The following GNAS variants were observed in gnomAD, a reference collection of about 807,000 sequenced individuals.
GNAS encodes the protein GNAS complex locus, also known as protein ALEX.
GNAS carries 8 observed loss-of-function variants against 54.5 expected under a neutral mutation model. That is an observed-to-expected ratio of 0.15 (90% CI 0.09 to 0.26). The LOEUF is 0.26. Ranked by LOEUF, GNAS falls within the 10% of genes least tolerant of loss-of-function variation. GNAS has a pLI of 1.00. For synonymous variants in GNAS, 204 were observed against 191.4 expected, an observed-to-expected ratio of 1.07 and a Z score of -0.54; for missense variants, 170 against 529.8, an observed-to-expected ratio of 0.32 and a Z score of 6.67.
rs757110000 is a variant in GNAS at position 58,905,388 on chromosome 20, C to T, written c.438C>T (p.Phe146=). 53 of 1,582,500 alleles carry T rather than the reference C, an allele frequency of 3.3e-5. No individual in the cohort carries two copies. The East Asian group carries it at 1.2e-3, about 35-fold the overall frequency. ...NVPDFDFPPE[F]YEHAKALWED... Reference sequence around the variant, plus strand: ...TTTCTTGTGTTCACTTTCAGGAATTCTATGAGCATGCCAAGGCTCTGTGGG... The same window carrying T: ...TTTCTTGTGTTCACTTTCAGGAATTTTATGAGCATGCCAAGGCTCTGTGGG... The change falls in exon 6 of 13, where the codon TTC becomes TTT. Residue 146 remains phenylalanine (F), a synonymous_variant. Transcript: ENST00000371085.
At chr20:58,847,197 T>C (rs6123833) in intron 1 of GNAS, among the ~76,000 whole-genome samples, 61,412 of 152,070 alleles carry the variant, frequency 0.4, 14,621 homozygotes, top group East Asian at 0.78. Flanking sequence ...CGATGGGGGC[T>C]TTTTAATCTG....
At position 58,895,622 on chromosome 20, in the gene GNAS, A is replaced by G; in HGVS notation, c.150A>G (p.Glu50=). ...THRLLLLGAG[E]SGKSTIVKQM... is the part of the protein sequence containing the mutation. ...ACTTTCATTTTCTAGGTGCTGGAGA[A>G]TCTGGTAAAAGCACCATTGTGAAGC... Residue 50 remains glutamate, a synonymous_variant, in exon 2 of 13, where the codon GAA becomes GAG. Transcript: ENST00000371085. 6.3e-7 allele frequency: 1 copy of G among 1,598,488 alleles called. No homozygotes were observed. The highest frequency in any genetic ancestry group is 8.6e-7 in the Non-Finnish European group (1 of 1,165,730).
chr20:58,841,102 G>T lies in GNAS; in HGVS notation c.43+216G>T, dbSNP rs2085702150. Among the ~76,000 whole-genome samples the T allele has an allele frequency of 6.6e-6, 1 of 152,046 alleles. No individual in the cohort carries two copies. The highest frequency in any genetic ancestry group is 1.9e-4 in the East Asian group (1 of 5,136). On this transcript the variant is annotated intron_variant, in intron 1 of 12. Transcript: ENST00000306090. The surrounding 1 kb of genome is among the most constrained non-coding windows in gnomAD (Gnocchi z 5.0). ...CTGGTGGCCAAAGGCTTGTTGGACG[G>T]CGGGGCGCACGCCGTGCGTCCCGCT...
intron 1 of GNAS, among the ~76,000 whole-genome samples, chr20:58,847,188 G>A (rs1568915908): frequency 1.3e-5 from 2 of 152,100 alleles, no homozygotes; most frequent in East Asian, 3.8e-4. Flanking sequence ...CTGAACTCAC[G>A]ATGGGGGCTT....
intron 1 of GNAS, among the ~76,000 whole-genome samples, chr20:58,859,068 A>T (rs2086644630): frequency 6.6e-6 from 1 of 152,240 alleles, no homozygotes; most frequent in Non-Finnish European, 1.5e-5. Flanking sequence ...TTTACAATGG[A>T]AAACTGGTTT....
chr20:58,905,536 A>G (rs1313637510), intron 6 of GNAS, 56 bp downstream of exon 6: 4 of 958,430 alleles, frequency 4.2e-6, no homozygotes, highest in African/African-American at 1.6e-5. Context: ...ACAAGAAAAC[A>G]TGAAAACCTG....
chr20:58,905,279 AG>A, intron 5 of GNAS, 103 bp from the exon 6 acceptor site: 1 of 753,692 alleles, frequency 1.3e-6, no homozygotes, highest in Non-Finnish European at 2.4e-6. Context: ...AATCACACCA[AG>A]TGTCGGTCAC....
chr20:58,860,386 TTC>T (rs2086723711), intron 1 of GNAS, among the ~76,000 whole-genome samples: 1 of 152,054 alleles, frequency 6.6e-6, no homozygotes, highest in South Asian at 2.1e-4. Context: ...TCTAAAGCTT[TTC>T]TTCTTGTTTA....
At chr20:58,855,610 C>G (rs1420016275) in intron 1 of GNAS, 1 of 717,268 alleles carries the variant, frequency 1.4e-6, no homozygotes, top group East Asian at 2.7e-5. Context: ...CAGGCCAGCG[C>G]CAGCAACCGT....
intron 1 of GNAS, among the ~76,000 whole-genome samples, chr20:58,865,362 G>A (rs865777200): frequency 6.0e-5 from 9 of 150,866 alleles, no homozygotes; most frequent in African/African-American, 1.5e-4. Flanking sequence ...AGGTTGCAGT[G>A]AGCCAAGATG....
At position 58,853,747 on chromosome 20, in the gene GNAS, C is replaced by T; in HGVS notation, c.43+12861C>T. On this transcript the variant is annotated intron_variant, in intron 1 of 12. Transcript: ENST00000306090. The surrounding 1 kb of genome is among the most constrained non-coding windows in gnomAD (Gnocchi z 4.4). ...GGATACAGCCCTCCACCAGAAGAAG[C>T]TATGCCCTTTGAGTTTGACCAGCCT... is the stretch of plus-strand genomic sequence containing the variant. 6.2e-7 allele frequency: 1 copy of T among 1,613,814 alleles called. No individual in the cohort carries two copies.
intron 1 of GNAS, among the ~76,000 whole-genome samples, chr20:58,879,786 G>C (rs1429055582): frequency 6.6e-6 from 1 of 152,128 alleles, no homozygotes; most frequent in Non-Finnish European, 1.5e-5. Context: ...TTTATGGCTA[G>C]ACTCTCAGCA....
chr20:58,910,223 T>G lies in GNAS; in HGVS notation c.971-111T>G, dbSNP rs886454780. ...GCAAGAAAAACGCACTCCCACTAAT[T>G]CTCATATGGAAAAATCAGGGTTTTG... On this transcript the variant is annotated intron_variant, in intron 11 of 12. Transcript: ENST00000371085. The surrounding 1 kb of genome is among the most constrained non-coding windows in gnomAD (Gnocchi z 5.8). 2.4e-6 allele frequency: 3 copies of G among 1,254,260 alleles called. No homozygotes were observed. Among genetic ancestry groups the G allele is most frequent in the Non-Finnish European group, 3.5e-6 (3 of 852,036 alleles). The allele number at this position is 1,254,260 out of a possible 1,614,324, so 77.7% of individuals were successfully genotyped here. A position where few individuals can be genotyped will look rare whatever the true frequency, so the allele number is the denominator to read the frequency against.
At chr20:58,882,173 A>C (rs2145797198) in intron 1 of GNAS, among the ~76,000 whole-genome samples, 1 of 152,230 alleles carries the variant, frequency 6.6e-6, no homozygotes, top group Non-Finnish European at 1.5e-5. Flanking sequence ...GGTTCACGCC[A>C]TTCTCCCGCC....
chr20:58,856,986 A>G lies in GNAS; in HGVS notation c.43+16100A>G, dbSNP rs1043001017. On this transcript the variant is annotated intron_variant, in intron 1 of 12. Transcript: ENST00000306090. The surrounding 1 kb of genome is among the most constrained non-coding windows in gnomAD (Gnocchi z 4.2). Reference sequence around the variant, plus strand: ...CTGGGGCATTAAATATTTTTGCCACATTTAAACAAAGCATCAATTAGCAAT... The same window carrying G: ...CTGGGGCATTAAATATTTTTGCCACGTTTAAACAAAGCATCAATTAGCAAT... 1 of 150,996 alleles carries G rather than the reference A, an allele frequency of 6.6e-6. No individual in the cohort carries two copies. The highest frequency in any genetic ancestry group is 1.5e-5 in the Non-Finnish European group (1 of 67,920). 9.4% of individuals were successfully genotyped at this position (150,996 alleles called of 1,614,324 possible).
chr20:58,909,904 C>T lies in GNAS; in HGVS notation c.840-47C>T, dbSNP rs375264228. 149 of 1,613,394 alleles carry T rather than the reference C, an allele frequency of 9.2e-5. No individual in the cohort carries two copies. Among genetic ancestry groups the T allele is most frequent in the Non-Finnish European group, 1.2e-4 (139 of 1,179,788 alleles). ...CGTGCAAGCATTCCAGACCCCTGGC[C>T]GAAAGCGCGCTTCTCCCAAGCATTC... On this transcript the variant is annotated intron_variant, in intron 10 of 12. Coordinates refer to ENST00000371085, the MANE Select transcript of GNAS (RefSeq NM_000516.7). This position sits in a 1 kb window ranked among gnomAD's most constrained non-coding sequence, Gnocchi z 7.3.
At chr20:58,840,210 T>C (rs760919160), upstream of GNAS, 1 of 1,611,118 alleles carries the variant, frequency 6.2e-7, no homozygotes, top group South Asian at 1.1e-5. This position sits in a 1 kb window ranked among gnomAD's most constrained non-coding sequence, Gnocchi z 6.0. Context: ...CTCCTCTGGC[T>C]CTCCTGCTCC....
intron 6 of GNAS, chr20:58,908,842 C>A: frequency 2.6e-6 from 1 of 385,510 alleles, no homozygotes; most frequent in Non-Finnish European, 4.8e-6. Flanking sequence ...AAAATAAACA[C>A]GAAGAACAAA....
At chr20:58,854,758 C>T (rs1279494445) in intron 1 of GNAS, 2 of 1,549,218 alleles carry the variant, frequency 1.3e-6, no homozygotes, top group Admixed American at 1.9e-5. Context: ...GGGGCTCCCA[C>T]TGCCCCAGCC....
Sources: allele counts gnomAD v4.1 joint callset (sites outside exome capture counted in the v4.1 genomes callset), GRCh38; gene constraint gnomAD v4.1.1; non-coding constraint Gnocchi (gnomAD v3.1); transcripts MANE v1.5; gene names NCBI Gene and HGNC (gene_info 2026-07-23, HGNC 2026-07-21).